The following TRPM7 variants were observed in gnomAD, a reference collection of about 807,000 sequenced individuals.
TRPM7 encodes LTRPC ion channel family member 7.
Under a neutral mutation model 229.7 loss-of-function variants are expected in TRPM7, and 134 were observed. The ratio of observed to expected loss-of-function variants is 0.58; its 90% CI spans 0.51 to 0.67. The LOEUF is 0.67. Ranked by LOEUF, TRPM7 falls within the 30% of genes least tolerant of loss-of-function variation. The probability of loss-of-function intolerance (pLI) is 0.00; values close to 1 mark genes in which losing one functional copy is unlikely to be tolerated. For synonymous variants in TRPM7, 699 were observed against 715.2 expected (o/e 0.98, Z 0.36); for missense variants, 1,901 against 2,210.0 (o/e 0.86, Z 2.80).
At position 50,619,782 on chromosome 15, in the gene TRPM7, T is replaced by G; in HGVS notation, c.1457A>C (p.Asn486Thr). ...ELYNTKQGPT[N>T]PMLFHLVRDV... ...TCGAACAAGATGAAACAGCATTGGA[T>G]TAGTTGGACCTTGTTTCTTTAGGGA... Residue 486 changes from asparagine to threonine, a missense_variant, in exon 13 of 39, where the codon AAT becomes ACT. Physicochemically the swap from Asn to Thr is moderately conservative, Grantham distance 65. Around this residue, in one of 8 missense-constraint regions of TRPM7, gnomAD observed 794 missense variants for 881.9 expected, o/e 0.90. Coordinates refer to ENST00000646667, the MANE Select transcript of TRPM7 (RefSeq NM_017672.6). The G allele has an allele frequency of 6.2e-7, 1 of 1,602,278 alleles. No individual in the cohort carries two copies. The highest frequency in any genetic ancestry group is 8.5e-7 in the Non-Finnish European group (1 of 1,176,874).
At chr15:50,664,900 G>C (rs2140931605) in intron 1 of TRPM7, among the ~76,000 whole-genome samples, 1 of 152,264 alleles carries the variant, frequency 6.6e-6, no homozygotes, top group Non-Finnish European at 1.5e-5. Context: ...GGGAGGTCAA[G>C]GCTGCAGTAA....
chr15:50,564,044 A>AT (rs1227334778), intron 38 of TRPM7, among the ~76,000 whole-genome samples: 1 of 151,850 alleles, frequency 6.6e-6, no homozygotes, highest in African/African-American at 2.4e-5. Context: ...TATTTTTAGT[A>AT]GAGACTGGTT....
intron 12 of TRPM7, among the ~76,000 whole-genome samples, chr15:50,623,169 T>C (rs1304179160): frequency 6.6e-6 from 1 of 151,830 alleles, no homozygotes; most frequent in Admixed American, 6.6e-5. Flanking sequence ...ATCCCAGTGC[T>C]TTGGGAGGCT....
chr15:50,575,629 C>G (rs1407304675), intron 33 of TRPM7, 95 bp downstream of exon 33: 7 of 1,042,996 alleles, frequency 6.7e-6, no homozygotes, highest in Non-Finnish European at 9.7e-6. Flanking sequence ...GAAATTGATA[C>G]TTCTTAATGT....
chr15:50,639,509 G>T lies in TRPM7; in HGVS notation c.575C>A (p.Ala192Asp). ...KHVGDALKEH[A>D]SRSSRKICTI... Reference sequence around the variant, plus strand: ...GCAAATCTTTCGAGATGATCTGGAAGCATGTTCTTTGAGGGCATCTCCAAC... The same window carrying T: ...GCAAATCTTTCGAGATGATCTGGAATCATGTTCTTTGAGGGCATCTCCAAC... Residue 192 changes from alanine to aspartate, a missense_variant, in exon 6 of 39, where the codon GCT becomes GAT. By Grantham distance (126) the Ala-to-Asp change is moderately radical (BLOSUM62 -2). Transcript: ENST00000646667. The T allele has an allele frequency of 1.2e-6, 2 of 1,611,548 alleles. No individual in the cohort carries two copies. The highest frequency in any genetic ancestry group is 2.2e-5 in the South Asian group (2 of 90,782).
chr15:50,574,178 TTTTA>T, intron 36 of TRPM7, 92 bp downstream of exon 36: 2 of 1,008,780 alleles, frequency 2.0e-6, no homozygotes, highest in Non-Finnish European at 3.0e-6. Context: ...TGGCCTAAGA[TTTTA>T]TTTATCTATA....
At chr15:50,618,940 G>A (rs1417127100) in intron 13 of TRPM7, among the ~76,000 whole-genome samples, 1 of 152,116 alleles carries the variant, frequency 6.6e-6, no homozygotes, top group Non-Finnish European at 1.5e-5. Context: ...CAAAGGACAT[G>A]ATTTCATTCT....
At chr15:50,662,591 G>C (rs962077169) in intron 2 of TRPM7, among the ~76,000 whole-genome samples, 5 of 152,148 alleles carry the variant, frequency 3.3e-5, no homozygotes. Context: ...GAACCATAGT[G>C]TTGGATACCC....
Position 50,592,338 on chromosome 15 carries a change from G to A in TRPM7, c.3897C>T (p.Ser1299=). 6.2e-7 allele frequency: 1 copy of A among 1,614,072 alleles called. No individual in the cohort carries two copies. The highest frequency in any genetic ancestry group is 1.1e-5 in the South Asian group (1 of 91,080). ...WKKHGVVNTL[S]SSLPQGDLES... is the part of the protein sequence containing the mutation. Reference sequence around the variant, plus strand: ...CAAGATCACCTTGAGGAAGAGAGGAGCTAAGTGTATTTACAACACCATGCT... The same window carrying A: ...CAAGATCACCTTGAGGAAGAGAGGAACTAAGTGTATTTACAACACCATGCT... The change falls in exon 26 of 39, where the codon AGC becomes AGT. Residue 1299 remains serine (S), a synonymous_variant. Transcript: ENST00000646667.
intron 11 of TRPM7, among the ~76,000 whole-genome samples, chr15:50,625,863 C>A (rs2060543407): frequency 6.6e-6 from 1 of 152,126 alleles, no homozygotes; most frequent in African/African-American, 2.4e-5. Context: ...GAAAATAATA[C>A]TTATTAGTTT....
At chr15:50,577,557 C>CG (rs2054195537) in intron 31 of TRPM7, among the ~76,000 whole-genome samples, 2 of 152,134 alleles carry the variant, frequency 1.3e-5, no homozygotes, top group South Asian at 4.1e-4. Flanking sequence ...CCTTCTCACC[C>CG]GGGGGCAGGG....
At chr15:50,600,472 A>C (rs1039603165) in intron 21 of TRPM7, among the ~76,000 whole-genome samples, 8 of 152,100 alleles carry the variant, frequency 5.3e-5, no homozygotes, top group African/African-American at 1.9e-4. Flanking sequence ...CATATAAAAA[A>C]GTGAATGCTT....
chr15:50,625,381 A>G (rs969176718), intron 11 of TRPM7, among the ~76,000 whole-genome samples: 1 of 152,146 alleles, frequency 6.6e-6, no homozygotes, highest in Non-Finnish European at 1.5e-5. Context: ...TTCGATTTAC[A>G]TCACCTAGCA....
At chr15:50,661,513 GTGTT>G (rs1183203379) in intron 2 of TRPM7, among the ~76,000 whole-genome samples, 2 of 152,158 alleles carry the variant, frequency 1.3e-5, no homozygotes, top group Admixed American at 6.5e-5. Context: ...CAATGGAAAT[GTGTT>G]TGTTGTGAGA....
Position 50,614,164 on chromosome 15 carries a change from G to T in TRPM7, c.1594C>A (p.Arg532Ser), listed in dbSNP as rs375384731. Reference protein sequence around the residue: ...GTYRCTYTRKRFRLIYNSLGG... With the variant: ...GTYRCTYTRKSFRLIYNSLGG... ...AGACTATTATATATTAATCGAAAAC[G>T]TTTCCTAGTATAGGTGCATCTGTAG... Residue 532 changes from arginine to serine, a missense_variant, in exon 14 of 39, where the codon CGT becomes AGT. By Grantham distance (110) the Arg-to-Ser change is moderately radical. Around this residue, in one of 8 missense-constraint regions of TRPM7, gnomAD observed 794 missense variants for 881.9 expected, o/e 0.90. Coordinates refer to ENST00000646667, the MANE Select transcript of TRPM7 (RefSeq NM_017672.6). 1 of 1,611,250 alleles carries T rather than the reference G, an allele frequency of 6.2e-7. No homozygotes were observed. Among genetic ancestry groups the T allele is most frequent in the Non-Finnish European group, 8.5e-7 (1 of 1,178,960 alleles).
At chr15:50,632,208 G>A (rs937807970) in intron 9 of TRPM7, among the ~76,000 whole-genome samples, 2 of 151,894 alleles carry the variant, frequency 1.3e-5, no homozygotes, top group African/African-American at 4.8e-5. Flanking sequence ...TGGGAGAATC[G>A]CTTGCACCCG....
chr15:50,602,984 A>G (rs16963806), intron 21 of TRPM7, among the ~76,000 whole-genome samples: 3,113 of 152,340 alleles, frequency 0.02, 124 homozygotes, highest in African/African-American at 0.072. Flanking sequence ...CCTGGTAAGC[A>G]TAAGAGCTAC....
Position 50,634,542 on chromosome 15 carries a change from C to T in TRPM7, c.847G>A (p.Val283Ile). 2.7e-6 allele frequency: 4 copies of T among 1,460,660 alleles called. No individual in the cohort carries two copies. Among genetic ancestry groups the T allele is most frequent in the Non-Finnish European group, 2.7e-6 (3 of 1,107,192 alleles). The allele number at this position is 1,460,660 out of a possible 1,614,324, so 90.5% of individuals were successfully genotyped here. A position where few individuals can be genotyped will look rare whatever the true frequency, so the allele number is the denominator to read the frequency against. ...TCAAATATAAGTGCCACCACAGGGA[C>T]ACCCTGGCCAATCCCTAAAAAGAGC... Reference protein sequence around the residue: ...QRIHARIGQGVPVVALIFEGG... With the variant: ...QRIHARIGQGIPVVALIFEGG... The change falls in exon 8 of 39, where the codon GTC becomes ATC. Residue 283 changes from valine (V) to isoleucine (I), a missense_variant. By Grantham distance (29) the Val-to-Ile change is conservative (BLOSUM62 3). Around this residue, in one of 8 missense-constraint regions of TRPM7, gnomAD observed 794 missense variants for 881.9 expected, o/e 0.90. Coordinates refer to ENST00000646667, the MANE Select transcript of TRPM7 (RefSeq NM_017672.6).
intron 33 of TRPM7, among the ~76,000 whole-genome samples, chr15:50,575,423 T>C (rs759953988): frequency 2.6e-5 from 4 of 152,204 alleles, no homozygotes; most frequent in African/African-American, 7.2e-5. Context: ...ACTTAGAAGT[T>C]AGAGCTGTTT....
Sources: allele counts gnomAD v4.1 joint callset (sites outside exome capture counted in the v4.1 genomes callset), GRCh38; gene constraint gnomAD v4.1.1; regional missense constraint gnomAD v4.1.1; transcripts MANE v1.5; gene names NCBI Gene and HGNC (gene_info 2026-07-23, HGNC 2026-07-21).